The following KCNQ1 variants were observed in gnomAD, a reference collection of about 807,000 sequenced individuals.
The protein encoded by KCNQ1 is potassium voltage-gated channel subfamily KQT member 1.
Under a neutral mutation model 72.4 loss-of-function variants are expected in KCNQ1, and 49 were observed. That is an observed-to-expected ratio of 0.68 (90% CI 0.54 to 0.86). The LOEUF (loss-of-function observed/expected upper bound fraction) is 0.86, where lower values mean the gene tolerates loss of function less well. Ranked by LOEUF, KCNQ1 falls within the 40% of genes least tolerant of loss-of-function variation. The pLI is 0.00. For missense variants in KCNQ1, 790 were observed against 945.1 expected (o/e 0.84, Z 2.15); for synonymous variants, 450 against 412.6 (o/e 1.09, Z -1.10).
At chr11:2,519,777 C>A (rs1392401923) in intron 1 of KCNQ1, among the ~76,000 whole-genome samples, 10 of 97,806 alleles carry the variant, frequency 1.0e-4, no homozygotes, top group Admixed American at 7.8e-4. Context: ...GTGTTGGCCC[C>A]CCCCCACAAC....
At position 2,661,052 on chromosome 11, in the gene KCNQ1, T is replaced by G. The variant is rs1849947689; in HGVS notation, c.1394-909T>G. 2 of 397,974 alleles carry G rather than the reference T, an allele frequency of 5.0e-6. No individual in the cohort carries two copies. The highest frequency in any genetic ancestry group is 3.6e-5 in the East Asian group (1 of 28,076). 24.7% of individuals were successfully genotyped at this position (397,974 alleles called of 1,614,324 possible). ...AATGAAATGAGCTTATGTTACAGAG[T>G]GACAGGAACAGAGTCACAGTGACAT... On this transcript the variant is annotated intron_variant, in intron 10 of 15. Transcript: ENST00000155840. This position sits in a 1 kb window ranked among gnomAD's most constrained non-coding sequence, Gnocchi z 5.9.
At chr11:2,573,121 C>T (rs752855598) in intron 6 of KCNQ1, 135 bp downstream of exon 6, 7 of 1,097,892 alleles carry the variant, frequency 6.4e-6, no homozygotes, top group Admixed American at 2.5e-5. Context: ...GGCCTCTGTC[C>T]ACAAACCTGT....
intron 15 of KCNQ1, among the ~76,000 whole-genome samples, chr11:2,786,346 C>T (rs1309921524): frequency 2.6e-5 from 4 of 152,154 alleles, no homozygotes; most frequent in Non-Finnish European, 4.4e-5. Context: ...TGTCTTTTTT[C>T]TCTGGCTGCC....
rs1177899387 is a variant in KCNQ1 at position 2,759,190 on chromosome 11, A to G, written c.1515-9654A>G. Among the ~76,000 whole-genome samples, 1 of 152,086 alleles carries G rather than the reference A, an allele frequency of 6.6e-6. No individual in the cohort carries two copies. The highest frequency in any genetic ancestry group is 1.5e-5 in the Non-Finnish European group (1 of 68,020). On this transcript the variant is annotated intron_variant, in intron 11 of 15. Transcript: ENST00000155840. This position sits in a 1 kb window ranked among gnomAD's most constrained non-coding sequence, Gnocchi z 4.4. ...AGCAAAACAACACACTGGGAGGTGCAGGAAACCACACACGTGATGTGCTTG... is the reference window on the plus strand; with the variant it reads ...AGCAAAACAACACACTGGGAGGTGCGGGAAACCACACACGTGATGTGCTTG...
At position 2,813,355 on chromosome 11, in the gene KCNQ1, C is replaced by T. The variant is rs182359310; in HGVS notation, c.1795-34412C>T. On this transcript the variant is annotated intron_variant, in intron 15 of 15. Coordinates refer to ENST00000155840, the MANE Select transcript of KCNQ1 (RefSeq NM_000218.3). The surrounding 1 kb of genome is among the most constrained non-coding windows in gnomAD (Gnocchi z 4.4). ...CCTCATGCACCTCCATTCAGGGAAC[C>T]TGGGCTCCCCACTCTCACAGGGGTG... Among the ~76,000 whole-genome samples, 1 of 152,182 alleles carries T rather than the reference C, an allele frequency of 6.6e-6. No homozygotes were observed. Among genetic ancestry groups the T allele is most frequent in the African/African-American group, 2.4e-5 (1 of 41,436 alleles).
Position 2,695,760 on chromosome 11 carries a change from C to T in KCNQ1, c.1514+33679C>T, listed in dbSNP as rs1381111442. The T allele has an allele frequency of 5.0e-6, 2 of 398,540 alleles. No homozygotes were observed. The highest frequency in any genetic ancestry group is 4.1e-5 in the African/African-American group (2 of 48,634). 24.7% of individuals were successfully genotyped at this position (398,540 alleles called of 1,614,324 possible). A position where few individuals can be genotyped will look rare whatever the true frequency, so the allele number is the denominator to read the frequency against. The stretch of plus-strand genomic sequence containing the variant: ...GCTTGTTCCTTGCCTTCTGCCAACA[C>T]TTGGCCTTATCCTACTTTCTAATGC... On this transcript the variant is annotated intron_variant, in intron 11 of 15. Transcript: ENST00000155840. The surrounding 1 kb of genome is among the most constrained non-coding windows in gnomAD (Gnocchi z 5.2).
intron 10 of KCNQ1, chr11:2,655,892 T>C (rs901948201): frequency 5.0e-6 from 2 of 398,634 alleles, no homozygotes; most frequent in South Asian, 2.5e-4. Flanking sequence ...CCCCTTGTTA[T>C]AGGGGCCCCA....
chr11:2,717,577 C>T (rs182515806), intron 11 of KCNQ1, among the ~76,000 whole-genome samples: 93 of 152,308 alleles, frequency 6.1e-4, no homozygotes, highest in Admixed American at 4.0e-3. Context: ...AGAGGAGCTC[C>T]GGGAGGTCAC....
intron 2 of KCNQ1, among the ~76,000 whole-genome samples, chr11:2,529,394 C>T (rs866739862): frequency 1.3e-5 from 2 of 151,178 alleles, no homozygotes; most frequent in South Asian, 2.1e-4. Flanking sequence ...TATCCAGCCC[C>T]GGGAAGAAAC....
rs1033441040 is a variant in KCNQ1, at chr11:2,779,357, G to A, written c.1794+1320G>A. 1.3e-4 allele frequency among the ~76,000 whole-genome samples: 20 copies of A among 152,280 alleles called. No individual in the cohort carries two copies. The Middle Eastern group carries it at 0.01, about 78-fold the overall frequency. ...CTGGCACACCCAGTACAGCAGGGCCGGGTACCCTGTGTTGTTGGCATGGCC... is the reference window on the plus strand; with the variant it reads ...CTGGCACACCCAGTACAGCAGGGCCAGGTACCCTGTGTTGTTGGCATGGCC... On this transcript the variant is annotated intron_variant, in intron 15 of 15. Coordinates refer to ENST00000155840, the MANE Select transcript of KCNQ1 (RefSeq NM_000218.3).
At position 2,446,136 on chromosome 11, in the gene KCNQ1, G is replaced by T. The variant is rs1319254486; in HGVS notation, c.386+652G>T. 6.6e-6 allele frequency among the ~76,000 whole-genome samples: 1 copy of T among 152,238 alleles called. No homozygotes were observed. The highest frequency in any genetic ancestry group is 1.5e-5 in the Non-Finnish European group (1 of 68,038). On this transcript the variant is annotated intron_variant, in intron 1 of 15. Transcript: ENST00000155840. This position sits in a 1 kb window ranked among gnomAD's most constrained non-coding sequence, Gnocchi z 8.8. ...GGCAGCTGTGCTCCCGGAGAAAGCAGCGCTGGTAGCAGAGGCACCTGGCCC... is the reference window on the plus strand; with the variant it reads ...GGCAGCTGTGCTCCCGGAGAAAGCATCGCTGGTAGCAGAGGCACCTGGCCC...
In KCNQ1 at chr11:2,462,415, C is replaced by T. The variant is rs1419068035; in HGVS notation, c.386+16931C>T. ...AGCTTGACACCTGCCTGGGGGCTCC[C>T]GGCGAAGGCCGCTGGTTTCTAGAAT... is the stretch of plus-strand genomic sequence containing the variant. On this transcript the variant is annotated intron_variant, in intron 1 of 15. Transcript: ENST00000155840. This position sits in a 1 kb window ranked among gnomAD's most constrained non-coding sequence, Gnocchi z 8.2. 2.6e-5 allele frequency among the ~76,000 whole-genome samples: 4 copies of T among 152,194 alleles called. No homozygotes were observed. Among genetic ancestry groups the T allele is most frequent in the Admixed American group, 6.5e-5 (1 of 15,290 alleles).
chr11:2,688,026 G>C (rs920073889), intron 11 of KCNQ1: 4 of 398,584 alleles, frequency 1.0e-5, no homozygotes, highest in African/African-American at 8.2e-5. Context: ...CTCTAGGCTT[G>C]GGCAGGCACA....
At chr11:2,445,702 TGGGGAGGGAGCCGGCTGGGGA>T (rs1339527445) in intron 1 of KCNQ1, among the ~76,000 whole-genome samples, 1 of 146,838 alleles carries the variant, frequency 6.8e-6, no homozygotes, top group Non-Finnish European at 1.5e-5. Context: ...AGGCCCGGCG[TGGGGAGGGAGCCGGCTGGGGA>T]GGGGACCACC....
intron 1 of KCNQ1, among the ~76,000 whole-genome samples, chr11:2,523,184 T>A (rs1487370233): frequency 1.5e-5 from 2 of 136,898 alleles, no homozygotes; most frequent in Non-Finnish European, 3.2e-5. Context: ...TGCTTTCTTT[T>A]TTAATTTAAT....
At chr11:2,594,993 G>T (rs1012036445) in intron 10 of KCNQ1, among the ~76,000 whole-genome samples, 1 of 152,086 alleles carries the variant, frequency 6.6e-6, no homozygotes. Context: ...TCCTGTATAA[G>T]GTACATGCCT....
In KCNQ1 at chr11:2,697,066, A is replaced by C. The variant is rs576843213; in HGVS notation, c.1514+34985A>C. The C allele has an allele frequency of 1.8e-5, 7 of 398,570 alleles. No individual in the cohort carries two copies. The South Asian group carries it at 5.1e-4, about 29-fold the overall frequency. The allele number at this position is 398,570 out of a possible 1,614,324, so 24.7% of individuals were successfully genotyped here. On this transcript the variant is annotated intron_variant, in intron 11 of 15. Coordinates refer to ENST00000155840, the MANE Select transcript of KCNQ1 (RefSeq NM_000218.3). Reference sequence around the variant, plus strand: ...TTCAGGAAAGGTCAAAAACATTTTCATAATAATACTCGACATTATTTGCCT... The same window carrying C: ...TTCAGGAAAGGTCAAAAACATTTTCCTAATAATACTCGACATTATTTGCCT...
rs1428687697 is a variant in KCNQ1 at position 2,617,445 on chromosome 11, A to G, written c.1393+28591A>G. 2 of 398,350 alleles carry G rather than the reference A, an allele frequency of 5.0e-6. No homozygotes were observed. The highest frequency in any genetic ancestry group is 2.1e-5 in the African/African-American group (1 of 48,628). The allele number at this position is 398,350 out of a possible 1,614,324, so 24.7% of individuals were successfully genotyped here. A position where few individuals can be genotyped will look rare whatever the true frequency, so the allele number is the denominator to read the frequency against. The stretch of plus-strand genomic sequence containing the variant: ...GAATAATATTCCATTGTAGACATAC[A>G]CACCACAGTTTAGTCATCCATCAAT... On this transcript the variant is annotated intron_variant, in intron 10 of 15. Coordinates refer to ENST00000155840, the MANE Select transcript of KCNQ1 (RefSeq NM_000218.3). This position sits in a 1 kb window ranked among gnomAD's most constrained non-coding sequence, Gnocchi z 4.6.
Position 2,669,711 on chromosome 11 carries a change from T to C in KCNQ1, c.1514+7630T>C, listed in dbSNP as rs770605223. The C allele has an allele frequency of 1.0e-5, 4 of 398,560 alleles. No homozygotes were observed. The highest frequency in any genetic ancestry group is 1.8e-5 in the Non-Finnish European group (4 of 226,086). 24.7% of individuals were successfully genotyped at this position (398,560 alleles called of 1,614,324 possible). On this transcript the variant is annotated intron_variant, in intron 11 of 15. Coordinates refer to ENST00000155840, the MANE Select transcript of KCNQ1 (RefSeq NM_000218.3). The surrounding 1 kb of genome is among the most constrained non-coding windows in gnomAD (Gnocchi z 5.6). ...AGATGGTGTTAGGCATCCAGCCACA[T>C]ACCTGACTCGGGGAAATGCCTGAAA...
Sources: gnomAD v4.1 joint callset for allele counts (sites outside exome capture counted in the v4.1 genomes callset) on GRCh38, gnomAD v4.1.1 for gene constraint, Gnocchi (gnomAD v3.1) non-coding constraint, MANE v1.5 for transcripts, NCBI Gene and HGNC (gene_info 2026-07-23, HGNC 2026-07-21) for gene names.